Variants in CACNA1H observed in about 807,000 individuals in gnomAD.
The protein encoded by CACNA1H is calcium voltage-gated channel subunit alpha1 H, also known as voltage-dependent T-type calcium channel subunit alpha-1H.
CACNA1H carries 149 observed loss-of-function variants against 192.5 expected under a neutral mutation model. The observed-to-expected ratio is 0.77, with a 90% CI of 0.68 to 0.89. CACNA1H has a LOEUF of 0.89. Among genes scored for constraint, CACNA1H ranks in the 40% least tolerant of loss-of-function variants. The pLI is 0.00. For missense variants in CACNA1H, 4,257 were observed against 3,423.5 expected, an observed-to-expected ratio of 1.24 and a Z score of -6.08; for synonymous variants, 2,202 against 1,475.2, an observed-to-expected ratio of 1.49 and a Z score of -11.29.
Position 1,178,157 on chromosome 16 carries a change from C to T in CACNA1H, c.300-16815C>T, listed in dbSNP as rs1312797221. ...GGTCACTCCCCCACCCCGGAAACCG[C>T]CCCCCCATGGACTCTCCCGCCCCCT... is the stretch of plus-strand genomic sequence containing the variant. On this transcript the variant is annotated intron_variant, in intron 2 of 34. Transcript: ENST00000348261. Among the ~76,000 whole-genome samples, 53 of 112,402 alleles carry T rather than the reference C, an allele frequency of 4.7e-4. 2 individuals carry two copies. The highest frequency in any genetic ancestry group is 1.7e-3 in the African/African-American group (50 of 28,656). 73.7% of individuals were successfully genotyped at this position (112,402 alleles called of 152,430 possible). A position where few individuals can be genotyped will look rare whatever the true frequency, so the allele number is the denominator to read the frequency against.
chr16:1,193,221 A>G (rs981407605), intron 2 of CACNA1H, among the ~76,000 whole-genome samples: 3 of 151,200 alleles, frequency 2.0e-5, no homozygotes, highest in Non-Finnish European at 4.4e-5. Flanking sequence ...TCAGAGATGC[A>G]CAAAGACAGT....
intron 2 of CACNA1H, among the ~76,000 whole-genome samples, chr16:1,178,417 C>G (rs1025350899): frequency 6.6e-6 from 1 of 151,282 alleles, no homozygotes; most frequent in Non-Finnish European, 1.5e-5. Context: ...TCCTAACCCA[C>G]CCCCCCAAGT....
intron 2 of CACNA1H, among the ~76,000 whole-genome samples, chr16:1,193,965 G>A (rs1398857203): frequency 6.6e-6 from 1 of 152,134 alleles, no homozygotes; most frequent in East Asian, 1.9e-4. Flanking sequence ...AGTGCTGCAC[G>A]CAGCACCCAG....
At chr16:1,156,162 G>T (rs765438582) in intron 2 of CACNA1H, among the ~76,000 whole-genome samples, 1 of 152,188 alleles carries the variant, frequency 6.6e-6, no homozygotes, top group Non-Finnish European at 1.5e-5. Context: ...CCTCCTCGCC[G>T]CCAGCACCTC....
intron 2 of CACNA1H, among the ~76,000 whole-genome samples, chr16:1,162,481 GC>G (rs1963308210): frequency 6.6e-6 from 1 of 152,192 alleles, no homozygotes; most frequent in African/African-American, 2.4e-5. Context: ...CTGTTGTCAG[GC>G]TCCTCCGATG....
intron 6 of CACNA1H, among the ~76,000 whole-genome samples, chr16:1,199,963 C>T (rs950030065): frequency 2.0e-5 from 3 of 149,464 alleles, no homozygotes; most frequent in African/African-American, 4.9e-5. Flanking sequence ...TCTGTCCATC[C>T]CTGTTCTTTG....
Position 1,217,899 on chromosome 16 carries a change from C to T in CACNA1H, c.5324-20C>T, listed in dbSNP as rs569780219. 2.5e-5 allele frequency: 39 copies of T among 1,584,638 alleles called. No individual in the cohort carries two copies. The South Asian group carries it at 3.0e-4, about 12-fold the overall frequency. On this transcript the variant is annotated intron_variant, in intron 31 of 34. Coordinates refer to ENST00000348261, the MANE Select transcript of CACNA1H (RefSeq NM_021098.3). ...CCCGGAGCGGGCTCGGCTGACCGGGCGGGGTCTCCCTCCCCGCAGAGTGCA... is the reference window on the plus strand; with the variant it reads ...CCCGGAGCGGGCTCGGCTGACCGGGTGGGGTCTCCCTCCCCGCAGAGTGCA...
At position 1,205,186 on chromosome 16, in the gene CACNA1H, C is replaced by T. The variant is rs561709486; in HGVS notation, c.2524C>T (p.Leu842=). 14 of 1,613,134 alleles carry T rather than the reference C, an allele frequency of 8.7e-6. No homozygotes were observed. The Admixed American group carries it at 1.0e-4, about 12-fold the overall frequency. ...CAGCATGTTTGCCCTGGAGATGCTG[C>T]TGAAGCTGCTGGCCTGCGGCCCTCT... ...FTSMFALEML[L]KLLACGPLGY... Residue 842 remains leucine, a synonymous_variant, in exon 11 of 35, where the codon CTG becomes TTG. Coordinates refer to ENST00000348261, the MANE Select transcript of CACNA1H (RefSeq NM_021098.3).
At chr16:1,190,323 C>T (rs1966487221) in intron 2 of CACNA1H, among the ~76,000 whole-genome samples, 1 of 152,272 alleles carries the variant, frequency 6.6e-6, no homozygotes, top group East Asian at 1.9e-4. Flanking sequence ...GAAAATCCAT[C>T]TGTATGATTA....
chr16:1,202,628 GC>G (rs1968109026), intron 9 of CACNA1H, among the ~76,000 whole-genome samples, 176 bp downstream of exon 9: 1 of 152,116 alleles, frequency 6.6e-6, no homozygotes, highest in African/African-American at 2.4e-5. Flanking sequence ...GGCAGGTCCC[GC>G]CCCTGACAGC....
rs992096299 is a variant in CACNA1H at position 1,206,232 on chromosome 16, C to G, written c.2732C>G (p.Thr911Ser). 6.3e-7 allele frequency: 1 copy of G among 1,591,638 alleles called. No homozygotes were observed. Among genetic ancestry groups the G allele is most frequent in the Non-Finnish European group, 8.5e-7 (1 of 1,170,140 alleles). ...LRRQLVVLVKTMDNVATFCTL... is the reference protein window; with the variant it reads ...LRRQLVVLVKSMDNVATFCTL... ...CGCCAGCTCGTGGTGCTGGTGAAGA[C>G]CATGGACAACGTGGCTACCTTCTGC... The change falls in exon 12 of 35, where the codon ACC (threonine) becomes AGC (serine). Residue 911 changes from threonine (T) to serine (S), a missense_variant. Thr to Ser is a moderately conservative substitution (Grantham distance 58, BLOSUM62 1). Coordinates refer to ENST00000348261, the MANE Select transcript of CACNA1H (RefSeq NM_021098.3).
rs886908058 is a variant in CACNA1H, at chr16:1,167,583, C to T, written c.299+13547C>T. Among the ~76,000 whole-genome samples, 6 of 152,224 alleles carry T rather than the reference C, an allele frequency of 3.9e-5. No homozygotes were observed. Among genetic ancestry groups the T allele is most frequent in the African/African-American group, 4.8e-5 (2 of 41,456 alleles). Reference sequence around the variant, plus strand: ...GCTGGAGCCACACTCCTCACCGCGGCGGTGCCACTAATGGGGTTGCCGTGG... The same window carrying T: ...GCTGGAGCCACACTCCTCACCGCGGTGGTGCCACTAATGGGGTTGCCGTGG... On this transcript the variant is annotated intron_variant, in intron 2 of 34. Transcript: ENST00000348261. The surrounding 1 kb of genome is among the most constrained non-coding windows in gnomAD (Gnocchi z 4.2).
chr16:1,200,949 CG>C (rs1967801480), intron 8 of CACNA1H, 141 bp downstream of exon 8: 1 of 266,300 alleles, frequency 3.8e-6, no homozygotes. Context: ...GCAGAGCTTG[CG>C]GGGGTGGGGA....
chr16:1,218,053 G>T lies in CACNA1H; in HGVS notation c.5445+13G>T. 1 of 1,595,002 alleles carries T rather than the reference G, an allele frequency of 6.3e-7. No individual in the cohort carries two copies. The highest frequency in any genetic ancestry group is 8.5e-7 in the Non-Finnish European group (1 of 1,170,320). On this transcript the variant is annotated intron_variant, in intron 32 of 34. Coordinates refer to ENST00000348261, the MANE Select transcript of CACNA1H (RefSeq NM_021098.3). ...CGGGATCATGAAGGTACCCGCCGCG[G>T]CCATGCCTCTGGCACCTGGCAGCCC...
At chr16:1,164,634 C>T (rs1003890407) in intron 2 of CACNA1H, among the ~76,000 whole-genome samples, 3 of 152,250 alleles carry the variant, frequency 2.0e-5, no homozygotes, top group African/African-American at 7.2e-5. Flanking sequence ...CTCACTGCTG[C>T]ACAGAATGGG....
chr16:1,221,001 G>C lies in CACNA1H; in HGVS notation c.*7G>C. Reference sequence around the variant, plus strand: ...TGCAGATGACCCCGTGTAGCTCGGGGCTTGGTGCCGCCCACGGCTTTGGCC... The same window carrying C: ...TGCAGATGACCCCGTGTAGCTCGGGCCTTGGTGCCGCCCACGGCTTTGGCC... On this transcript the variant is annotated 3_prime_UTR_variant, in exon 35 of 35. Transcript: ENST00000348261. 1 of 1,556,706 alleles carries C rather than the reference G, an allele frequency of 6.4e-7. No homozygotes were observed. Among genetic ancestry groups the C allele is most frequent in the South Asian group, 1.2e-5 (1 of 82,082 alleles).
At chr16:1,175,232 T>C (rs1006319428) in intron 2 of CACNA1H, among the ~76,000 whole-genome samples, 13 of 152,102 alleles carry the variant, frequency 8.5e-5, no homozygotes, top group African/African-American at 2.9e-4. Context: ...ACAGCCCTTA[T>C]GTGGTGTGAG....
At chr16:1,168,076 C>T (rs754703670) in intron 2 of CACNA1H, among the ~76,000 whole-genome samples, 27 of 152,156 alleles carry the variant, frequency 1.8e-4, no homozygotes, top group Non-Finnish European at 2.9e-4. Flanking sequence ...GAGATGTTTT[C>T]GGAAGGGGTG....
intron 6 of CACNA1H, 129 bp downstream of exon 6, chr16:1,198,903 G>A: frequency 2.4e-6 from 2 of 823,250 alleles, no homozygotes; most frequent in Non-Finnish European, 3.8e-6. Flanking sequence ...CGCCACTGCT[G>A]TCCCCGTCAT....
Sources: allele counts gnomAD v4.1 joint callset (sites outside exome capture counted in the v4.1 genomes callset), GRCh38; gene constraint gnomAD v4.1.1; non-coding constraint Gnocchi (gnomAD v3.1); transcripts MANE v1.5; gene names NCBI Gene and HGNC (gene_info 2026-07-23, HGNC 2026-07-21).